DLG2: variants seen among roughly 807,000 people sequenced by gnomAD.
The protein encoded by DLG2 is disks large homolog 2.
A neutral mutation model predicts 132.5 loss-of-function variants in DLG2; 45 were observed. The ratio of observed to expected loss-of-function variants is 0.34; its 90% CI spans 0.27 to 0.44. The LOEUF (loss-of-function observed/expected upper bound fraction) is 0.44. Ranked by LOEUF, DLG2 falls within the 20% of genes least tolerant of loss-of-function variation. The pLI is 1.00. For synonymous variants in DLG2, 424 were observed against 419.6 expected (o/e 1.01, Z -0.13); for missense variants, 1,045 against 1,196.9 (o/e 0.87, Z 1.87).
intron 8 of DLG2, among the ~76,000 whole-genome samples, chr11:84,191,149 C>T (rs761956162): frequency 3.1e-4 from 47 of 152,244 alleles, no homozygotes; most frequent in Non-Finnish European, 5.7e-4. Context: ...TGGAGAAAGT[C>T]AGATTTTTTT....
chr11:84,800,556 T>A (rs915033123), intron 6 of DLG2: 3 of 152,190 alleles, frequency 2.0e-5, no homozygotes, highest in Admixed American at 1.3e-4. Context: ...CTAAAAACAA[T>A]GTCCAAGGCC....
intron 5 of DLG2, among the ~76,000 whole-genome samples, chr11:85,131,495 T>A (rs2075707211): frequency 6.6e-6 from 1 of 152,154 alleles, no homozygotes; most frequent in African/African-American, 2.4e-5. Flanking sequence ...TACAATTTCC[T>A]ACTTAAGATT....
Position 84,357,445 on chromosome 11 carries a change from G to A in DLG2, c.520-106154C>T, listed in dbSNP as rs765654099. Among the ~76,000 whole-genome samples, 69 of 151,900 alleles carry A rather than the reference G, an allele frequency of 4.5e-4. 1 individual carries two copies. The highest frequency in any genetic ancestry group is 1.4e-3 in the African/African-American group (56 of 41,352). On this transcript the variant is annotated intron_variant, in intron 7 of 27. Coordinates refer to ENST00000376104, the MANE Select transcript of DLG2 (RefSeq NM_001142699.3). ...TACCATCCTATTACATGTTTTCACC[G>A]CAGCATTTTCCTCTCCTTCATAGAA...
intron 6 of DLG2, among the ~76,000 whole-genome samples, chr11:84,701,030 G>A (rs375335224): frequency 4.6e-5 from 7 of 151,426 alleles, no homozygotes; most frequent in Admixed American, 4.0e-4. Flanking sequence ...CCATAGACAA[G>A]ACCAGTCACA....
chr11:85,505,956 A>G (rs533765294), intron 3 of DLG2, among the ~76,000 whole-genome samples: 1 of 152,138 alleles, frequency 6.6e-6, no homozygotes, highest in Non-Finnish European at 1.5e-5. Context: ...GGGAGGGTGT[A>G]TGTGTCCAGG....
chr11:83,774,070 T>C (rs915773481), intron 18 of DLG2, among the ~76,000 whole-genome samples: 1 of 152,130 alleles, frequency 6.6e-6, no homozygotes, highest in African/African-American at 2.4e-5. Context: ...AGGGGCCAGG[T>C]TGTCTCCTCC....
rs538094273 is a variant in DLG2 at position 84,920,173 on chromosome 11, C to T, written c.357+191488G>A. 3.3e-5 allele frequency among the ~76,000 whole-genome samples: 5 copies of T among 152,296 alleles called. No homozygotes were observed. In the South Asian group the frequency reaches 1.0e-3, roughly 32 times the overall value. ...GATTGTGATGACCACTCAGTCAATTCAAGCAGCATTGGTTTATCTTTCTTT... is the reference window on the plus strand; with the variant it reads ...GATTGTGATGACCACTCAGTCAATTTAAGCAGCATTGGTTTATCTTTCTTT... On this transcript the variant is annotated intron_variant, in intron 6 of 27. Transcript: ENST00000376104.
chr11:83,833,724 A>G lies in DLG2; in HGVS notation c.1612T>C (p.Phe538Leu). 1 of 1,614,102 alleles carries G rather than the reference A, an allele frequency of 6.2e-7. No homozygotes were observed. The highest frequency in any genetic ancestry group is 8.5e-7 in the Non-Finnish European group (1 of 1,179,984). Residue 538 changes from phenylalanine (F) to leucine (L), a missense_variant, in exon 17 of 28, where the codon TTC becomes CTC. Physicochemically the swap from Phe to Leu is conservative, Grantham distance 22. Coordinates refer to ENST00000376104, the MANE Select transcript of DLG2 (RefSeq NM_001142699.3). ...VLHKGSTGLG[F>L]NIVGGEDGEG... ...CCATCTTCCCCACCGACAATGTTGA[A>G]GCCCAGGCCAGTGGAGCCTTTGTGC...
In DLG2 at chr11:84,555,725, G is replaced by A. The variant is rs73509165; in HGVS notation, c.358-20994C>T. On this transcript the variant is annotated intron_variant, in intron 6 of 27. Coordinates refer to ENST00000376104, the MANE Select transcript of DLG2 (RefSeq NM_001142699.3). ...TCAGATTTACAAGAGGAAGAAGTTCGGGGGATCTGTTGTACAACAAAGTGA... is the reference window on the plus strand; with the variant it reads ...TCAGATTTACAAGAGGAAGAAGTTCAGGGGATCTGTTGTACAACAAAGTGA... Among the ~76,000 whole-genome samples the A allele has an allele frequency of 1.8e-3, 280 of 152,302 alleles. 2 individuals are homozygous for A. Among genetic ancestry groups the A allele is most frequent in the African/African-American group, 6.4e-3 (268 of 41,558 alleles).
chr11:84,156,181 C>T (rs1385258609), intron 9 of DLG2, among the ~76,000 whole-genome samples: 2 of 152,160 alleles, frequency 1.3e-5, no homozygotes, highest in African/African-American at 4.8e-5. Context: ...CTTTTACTAT[C>T]ACAATCTGAG....
At chr11:84,726,671 T>A (rs1395157633) in intron 6 of DLG2, among the ~76,000 whole-genome samples, 2 of 152,156 alleles carry the variant, frequency 1.3e-5, no homozygotes, top group Non-Finnish European at 2.9e-5. Context: ...TGGTTCTAGA[T>A]CCTTGAGGAA....
intron 11 of DLG2, among the ~76,000 whole-genome samples, chr11:84,053,022 C>T (rs1295530277): frequency 6.6e-6 from 1 of 151,974 alleles, no homozygotes; most frequent in African/African-American, 2.4e-5. Context: ...CCTAAATGCC[C>T]ATCAATGACA....
chr11:83,619,760 T>A (rs2153429574), intron 19 of DLG2, among the ~76,000 whole-genome samples: 1 of 152,148 alleles, frequency 6.6e-6, no homozygotes, highest in East Asian at 1.9e-4. Context: ...CAGCCAGCAA[T>A]GGTGTTCATT....
chr11:85,060,869 TGTTTTTTTTTGTTTGTTTTGTTTTTG>T (rs892709969), intron 6 of DLG2, among the ~76,000 whole-genome samples: 7 of 151,522 alleles, frequency 4.6e-5, no homozygotes, highest in African/African-American at 1.7e-4. Flanking sequence ...CTTTTTTTGT[TGTTTTTTTTTGTTTGTTTTGTTTTTG>T]GTTTTGCTTT....
chr11:85,606,226 C>A (rs1002741172), intron 2 of DLG2, among the ~76,000 whole-genome samples: 5 of 152,200 alleles, frequency 3.3e-5, no homozygotes, highest in Admixed American at 6.5e-5. Context: ...TAAATATATA[C>A]AAAATTGAAT....
chr11:84,500,234 C>A (rs1193410579), intron 7 of DLG2, among the ~76,000 whole-genome samples: 2 of 151,912 alleles, frequency 1.3e-5, no homozygotes, highest in Admixed American at 1.3e-4. Flanking sequence ...CTCCTGTGAG[C>A]TCAATTCTCT....
At chr11:83,891,883 T>C (rs1431921421) in intron 15 of DLG2, among the ~76,000 whole-genome samples, 1 of 152,222 alleles carries the variant, frequency 6.6e-6, no homozygotes, top group Admixed American at 6.5e-5. Context: ...TCTGTTTGTA[T>C]TAGCCTCATG....
At chr11:83,467,999 G>C (rs1290480036) in intron 25 of DLG2, among the ~76,000 whole-genome samples, 2 of 151,728 alleles carry the variant, frequency 1.3e-5, no homozygotes, top group Admixed American at 1.3e-4. Context: ...TGAGTGCTCA[G>C]AGCAAGCAGC....
intron 18 of DLG2, among the ~76,000 whole-genome samples, chr11:83,682,927 CAA>C (rs1017935320): frequency 2.6e-5 from 4 of 152,144 alleles, no homozygotes; most frequent in Non-Finnish European, 5.9e-5. Context: ...CCAGGTCACA[CAA>C]AGTGTGATTT....
Sources: gnomAD v4.1 joint callset for allele counts (sites outside exome capture counted in the v4.1 genomes callset) on GRCh38, gnomAD v4.1.1 for gene constraint, MANE v1.5 for transcripts, NCBI Gene and HGNC (gene_info 2026-07-23, HGNC 2026-07-21) for gene names.